COP1: variants seen among roughly 807,000 people sequenced by gnomAD.
The protein encoded by COP1 is COP1 E3 ubiquitin ligase.
In COP1, 24 loss-of-function variants were observed where a neutral mutation model predicts 101.3. The observed-to-expected ratio is 0.24, with a 90% CI of 0.17 to 0.33. COP1 has a LOEUF of 0.33. Ranked by LOEUF, COP1 falls within the 10% of genes least tolerant of loss-of-function variation. The probability of loss-of-function intolerance (pLI) is 1.00; values close to 1 mark genes in which losing one functional copy is unlikely to be tolerated. For synonymous variants in COP1, 347 were observed against 341.9 expected, an observed-to-expected ratio of 1.01 and a Z score of -0.17; for missense variants, 663 against 906.2, an observed-to-expected ratio of 0.73 and a Z score of 3.45.
intron 1 of COP1, among the ~76,000 whole-genome samples, chr1:176,186,050 A>C (rs1339975875): frequency 6.6e-6 from 1 of 152,122 alleles, no homozygotes; most frequent in Non-Finnish European, 1.5e-5. Context: ...TGATAAATAC[A>C]TAATAATAAG....
At chr1:176,204,663 T>C (rs1220468175) in intron 1 of COP1, among the ~76,000 whole-genome samples, 1 of 152,156 alleles carries the variant, frequency 6.6e-6, no homozygotes, top group Non-Finnish European at 1.5e-5. Flanking sequence ...CTCACACCTG[T>C]AATCCCTCCC....
chr1:176,035,043 T>G (rs1669248852), intron 14 of COP1, among the ~76,000 whole-genome samples: 1 of 152,094 alleles, frequency 6.6e-6, no homozygotes, highest in South Asian at 2.1e-4. Flanking sequence ...AACCCCAAAA[T>G]TATTCAACAT....
At chr1:176,158,484 T>A (rs1693806988) in intron 5 of COP1, among the ~76,000 whole-genome samples, 2 of 152,070 alleles carry the variant, frequency 1.3e-5, no homozygotes, top group Non-Finnish European at 2.9e-5. Flanking sequence ...ATGGGTAATA[T>A]AAGACTTGCT....
At chr1:176,105,241 C>T (rs1460260614) in intron 9 of COP1, among the ~76,000 whole-genome samples, 1 of 151,932 alleles carries the variant, frequency 6.6e-6, no homozygotes, top group Non-Finnish European at 1.5e-5. Flanking sequence ...TTTTTAGAAT[C>T]AGGGTAATAT....
intron 8 of COP1, among the ~76,000 whole-genome samples, chr1:176,121,509 G>GTAGT (rs954416370): frequency 6.5e-5 from 1 of 15,446 alleles, no homozygotes; most frequent in Non-Finnish European, 5.6e-4. Context: ...TTCTTTAAAT[G>GTAGT]TCGTTTTTTA....
intron 18 of COP1, among the ~76,000 whole-genome samples, chr1:175,971,969 T>C (rs1016585651): frequency 6.6e-6 from 1 of 152,158 alleles, no homozygotes; most frequent in Non-Finnish European, 1.5e-5. Flanking sequence ...AAGAATAGGT[T>C]TGCGGCAGCG....
intron 11 of COP1, among the ~76,000 whole-genome samples, chr1:176,046,884 C>G (rs1257011813): frequency 6.6e-6 from 1 of 151,992 alleles, no homozygotes; most frequent in Non-Finnish European, 1.5e-5. Flanking sequence ...CCTAATCCCC[C>G]TCCCCAAATA....
chr1:175,954,741 T>C (rs1252196562), intron 18 of COP1, among the ~76,000 whole-genome samples: 1 of 152,084 alleles, frequency 6.6e-6, no homozygotes, highest in East Asian at 1.9e-4. Flanking sequence ...CAAACTCAGC[T>C]TGTAAATCAA....
chr1:176,094,562 T>C (rs1006020923), intron 9 of COP1, among the ~76,000 whole-genome samples: 1 of 151,886 alleles, frequency 6.6e-6, no homozygotes, highest in African/African-American at 2.4e-5. Context: ...CTATGTTAAT[T>C]TTACCTAGCT....
intron 11 of COP1, among the ~76,000 whole-genome samples, chr1:176,078,301 A>C (rs1034539168): frequency 6.6e-6 from 1 of 152,160 alleles, no homozygotes; most frequent in Non-Finnish European, 1.5e-5. Flanking sequence ...AAAAACAGAC[A>C]TAAGACCAAT....
chr1:175,953,161 A>T (rs531995794), intron 18 of COP1, among the ~76,000 whole-genome samples: 32 of 152,350 alleles, frequency 2.1e-4, no homozygotes, highest in African/African-American at 7.5e-4. Context: ...ATAAAGTGGT[A>T]TCATATAATC....
intron 7 of COP1, 118 bp downstream of exon 7, chr1:176,136,370 G>A: frequency 2.0e-6 from 1 of 489,236 alleles, no homozygotes; most frequent in Non-Finnish European, 3.6e-6. Context: ...GAAAGTAACA[G>A]CTGTTACTTT....
Position 176,206,039 on chromosome 1 carries a change from A to T in COP1, c.407+533T>A, listed in dbSNP as rs148817583. ...CATACATACGATAGGTACTTACATT[A>T]TTATAAAAAGCATGTCTTTATAAGA... On this transcript the variant is annotated intron_variant, in intron 1 of 19. Transcript: ENST00000367669. Among the ~76,000 whole-genome samples the T allele has an allele frequency of 4.7e-3, 712 of 152,346 alleles. 6 individuals carry two copies. The highest frequency in any genetic ancestry group is 8.9e-3 in the Non-Finnish European group (606 of 68,032).
intron 15 of COP1, among the ~76,000 whole-genome samples, chr1:176,014,624 C>T (rs1054909543): frequency 4.6e-5 from 7 of 152,182 alleles, no homozygotes; most frequent in South Asian, 2.1e-4. Flanking sequence ...CTAAATGAAA[C>T]TTCACCTTAC....
intron 18 of COP1, chr1:175,968,351 G>A (rs1336112017): frequency 1.1e-5 from 5 of 475,306 alleles, no homozygotes; most frequent in African/African-American, 1.0e-4. Flanking sequence ...AGCAGATACT[G>A]AATAAAATGG....
intron 14 of COP1, among the ~76,000 whole-genome samples, chr1:176,038,019 G>A (rs1220304394): frequency 2.6e-5 from 4 of 152,170 alleles, no homozygotes; most frequent in Non-Finnish European, 4.4e-5. Context: ...TGCAGATGAC[G>A]TAATTGGCTA....
At chr1:176,163,677 T>C (rs1694685560) in intron 4 of COP1, 138 bp downstream of exon 4, 3 of 539,040 alleles carry the variant, frequency 5.6e-6, no homozygotes, top group Non-Finnish European at 3.3e-6. Context: ...AAGTTAGTTA[T>C]TTGACTAGAA....
At chr1:175,991,394 G>A (rs1557861180) in intron 15 of COP1, among the ~76,000 whole-genome samples, 1 of 152,228 alleles carries the variant, frequency 6.6e-6, no homozygotes, top group Non-Finnish European at 1.5e-5. Context: ...GTAAAAAATG[G>A]TACACACCCA....
chr1:176,066,605 T>C (rs945008337), intron 11 of COP1, among the ~76,000 whole-genome samples: 1 of 152,234 alleles, frequency 6.6e-6, no homozygotes, highest in East Asian at 1.9e-4. Context: ...TGCTGACTTT[T>C]ACGTCAAGGT....
Sources: gnomAD v4.1 joint callset for allele counts (sites outside exome capture counted in the v4.1 genomes callset) on GRCh38, gnomAD v4.1.1 for gene constraint, MANE v1.5 for transcripts, NCBI Gene and HGNC (gene_info 2026-07-23, HGNC 2026-07-21) for gene names.